The following UFD1 variants were observed in gnomAD, a reference collection of about 807,000 sequenced individuals.
UFD1 encodes the protein ubiquitin recognition factor in ER-associated degradation protein 1.
Under a neutral mutation model 45.9 loss-of-function variants are expected in UFD1, and 13 were observed. The observed-to-expected ratio is 0.28, with a 90% CI of 0.18 to 0.45. The LOEUF is 0.45. Among genes scored for constraint, UFD1 ranks in the 20% least tolerant of loss-of-function variants. The probability of loss-of-function intolerance (pLI) is 1.00; values close to 1 mark genes in which losing one functional copy is unlikely to be tolerated. For missense variants in UFD1, 218 were observed against 389.2 expected, an observed-to-expected ratio of 0.56 and a Z score of 3.70; for synonymous variants, 128 against 139.2, an observed-to-expected ratio of 0.92 and a Z score of 0.56.
intron 4 of UFD1, among the ~76,000 whole-genome samples, chr22:19,469,084 A>G (rs992536413): frequency 2.6e-5 from 4 of 152,178 alleles, no homozygotes; most frequent in African/African-American, 9.7e-5. Flanking sequence ...GCTGCTTGTC[A>G]GGCTAGTAAG....
chr22:19,454,122 AG>A, intron 11 of UFD1: 1 of 985,800 alleles, frequency 1.0e-6, no homozygotes, highest in Non-Finnish European at 1.2e-6. Flanking sequence ...AAGCCCACCC[AG>A]GGCACACAGT....
Position 19,479,177 on chromosome 22 carries a change from C to G in UFD1, c.-92G>C. On this transcript the variant is annotated 5_prime_UTR_variant, in exon 1 of 12. Transcript: ENST00000263202. ...CTCCCAGCCGCCGCTGCCGCTGCCG[C>G]CGCGCCAAGCCGGTACGCCCCAGAG... is the stretch of plus-strand genomic sequence containing the variant. 3 of 1,575,100 alleles carry G rather than the reference C, an allele frequency of 1.9e-6. No homozygotes were observed. Among genetic ancestry groups the G allele is most frequent in the Non-Finnish European group, 2.6e-6 (3 of 1,161,820 alleles).
In UFD1 at chr22:19,465,290, G is replaced by A. The variant is rs771504216; in HGVS notation, c.423-16C>T. The stretch of plus-strand genomic sequence containing the variant: ...GTTTTCTAATCTGCAGACACATTCT[G>A]TCAAGGCAACATGGCAAGATGGATA... On this transcript the variant is annotated splice_polypyrimidine_tract_variant and intron_variant, in intron 5 of 11. Transcript: ENST00000263202. The A allele has an allele frequency of 5.0e-6, 8 of 1,612,320 alleles. No individual in the cohort carries two copies. Among genetic ancestry groups the A allele is most frequent in the Admixed American group, 1.7e-5 (1 of 59,996 alleles).
chr22:19,466,300 G>A (rs1054912399), intron 5 of UFD1: 1 of 152,312 alleles, frequency 6.6e-6, no homozygotes, highest in Non-Finnish European at 1.5e-5. Context: ...GAGCCCTCAG[G>A]CTGAGAACAC....
chr22:19,453,057 A>G (rs1004194436), intron 11 of UFD1: 3 of 985,254 alleles, frequency 3.0e-6, no homozygotes, highest in Non-Finnish European at 3.6e-6. Context: ...GCTGGAATGG[A>G]AAGCTTTCTG....
intron 6 of UFD1, among the ~76,000 whole-genome samples, chr22:19,458,839 C>G (rs549879271): frequency 6.6e-6 from 1 of 152,284 alleles, no homozygotes; most frequent in East Asian, 1.9e-4. Flanking sequence ...ACAGATGCTC[C>G]TTGACTTATG....
chr22:19,454,687 G>T, intron 11 of UFD1, 62 bp downstream of exon 11: 1 of 1,611,146 alleles, frequency 6.2e-7, no homozygotes, highest in Non-Finnish European at 8.5e-7. Flanking sequence ...AAGAACTTCA[G>T]TCATCACTAG....
intron 3 of UFD1, among the ~76,000 whole-genome samples, chr22:19,474,447 G>C (rs1177170205): frequency 6.6e-6 from 1 of 152,210 alleles, no homozygotes; most frequent in Non-Finnish European, 1.5e-5. Flanking sequence ...TCGGGAGGCT[G>C]AGGCAGGAGG....
intron 3 of UFD1, 71 bp downstream of exon 3, chr22:19,474,997 G>A (rs1480676016): frequency 7.0e-7 from 1 of 1,434,754 alleles, no homozygotes; most frequent in South Asian, 1.2e-5. Context: ...GATGTACTGA[G>A]GAGCCCATGC....
chr22:19,469,522 T>C (rs751026598), intron 4 of UFD1, among the ~76,000 whole-genome samples: 9 of 152,092 alleles, frequency 5.9e-5, no homozygotes, highest in Admixed American at 5.9e-4. Context: ...TTTTAGAGCA[T>C]ACAGCACAAC....
In UFD1 at chr22:19,454,369, A is replaced by G. The variant is rs567192051; in HGVS notation, c.849+380T>C. Reference sequence around the variant, plus strand: ...CGTGTTGTGGGAGGGACCAGGTGGGAGGTAACTGAGTCGGTGGGAGGTAAC... The same window carrying G: ...CGTGTTGTGGGAGGGACCAGGTGGGGGGTAACTGAGTCGGTGGGAGGTAAC... On this transcript the variant is annotated intron_variant, in intron 11 of 11. Transcript: ENST00000263202. 1.2e-5 allele frequency: 12 copies of G among 998,142 alleles called. No individual in the cohort carries two copies. In the Admixed American group the frequency reaches 4.4e-4, roughly 36 times the overall value. 61.8% of individuals were successfully genotyped at this position (998,142 alleles called of 1,614,324 possible).
chr22:19,478,593 T>C (rs2089912331), intron 1 of UFD1, among the ~76,000 whole-genome samples: 1 of 151,990 alleles, frequency 6.6e-6, no homozygotes, highest in Non-Finnish European at 1.5e-5. Flanking sequence ...TCGTTATCAT[T>C]ACCGAACACA....
intron 1 of UFD1, among the ~76,000 whole-genome samples, chr22:19,477,977 T>C (rs1221059946): frequency 6.6e-6 from 1 of 152,158 alleles, no homozygotes; most frequent in Non-Finnish European, 1.5e-5. Context: ...ACACAGGAAA[T>C]AGCGTTTCTG....
chr22:19,459,825 G>A (rs1160768247), intron 6 of UFD1, among the ~76,000 whole-genome samples: 1 of 132,926 alleles, frequency 7.5e-6, no homozygotes, highest in Admixed American at 8.7e-5. Context: ...TGCAACCTCC[G>A]CCTCCCGGGT....
At chr22:19,463,204 G>A (rs778875191) in intron 6 of UFD1, among the ~76,000 whole-genome samples, 23 of 152,136 alleles carry the variant, frequency 1.5e-4, no homozygotes, top group Non-Finnish European at 2.9e-4. Context: ...GGATTGCAAT[G>A]GGCATGTTTG....
intron 7 of UFD1, among the ~76,000 whole-genome samples, chr22:19,457,192 C>T (rs1179480197): frequency 6.6e-6 from 1 of 152,162 alleles, no homozygotes; most frequent in African/African-American, 2.4e-5. Context: ...TTTAGTTCTA[C>T]ACAATGTAAT....
intron 4 of UFD1, chr22:19,470,553 T>C (rs905101359): frequency 3.9e-5 from 14 of 355,976 alleles, no homozygotes; most frequent in Non-Finnish European, 5.5e-5. Flanking sequence ...GCCATTCTCT[T>C]GCCTCGGTCT....
At chr22:19,478,118 C>G (rs1442778101) in intron 1 of UFD1, among the ~76,000 whole-genome samples, 2 of 152,148 alleles carry the variant, frequency 1.3e-5, no homozygotes, top group African/African-American at 4.8e-5. Flanking sequence ...TACTTAACAA[C>G]CTGCCTGCAG....
chr22:19,454,907 G>A (rs1601886667), intron 10 of UFD1, 77 bp from the exon 11 acceptor site: 1 of 1,495,928 alleles, frequency 6.7e-7, no homozygotes, highest in East Asian at 2.4e-5. Flanking sequence ...CAGTCAAGAG[G>A]AACGCAGAAA....
Sources: gnomAD v4.1 joint callset for allele counts (sites outside exome capture counted in the v4.1 genomes callset) on GRCh38, gnomAD v4.1.1 for gene constraint, MANE v1.5 for transcripts, NCBI Gene and HGNC (gene_info 2026-07-23, HGNC 2026-07-21) for gene names.